Variants in CHAF1B observed in about 807,000 individuals in gnomAD.
CHAF1B encodes the protein chromatin assembly factor 1 subunit B.
A neutral mutation model predicts 60.7 loss-of-function variants in CHAF1B; 10 were observed. That is an observed-to-expected ratio of 0.16 (90% CI 0.10 to 0.28). The LOEUF (loss-of-function observed/expected upper bound fraction) is 0.28. Among genes scored for constraint, CHAF1B ranks in the 10% least tolerant of loss-of-function variants. The pLI is 1.00. For synonymous variants in CHAF1B, 261 were observed against 266.1 expected, an observed-to-expected ratio of 0.98 and a Z score of 0.19; for missense variants, 558 against 708.4, an observed-to-expected ratio of 0.79 and a Z score of 2.41.
intron 8 of CHAF1B, 66 bp from the exon 9 acceptor site, chr21:36,408,695 C>A: frequency 8.8e-7 from 1 of 1,137,502 alleles, no homozygotes; most frequent in Non-Finnish European, 1.3e-6. Context: ...TCTTGAGTTT[C>A]TGTTGGTGAA....
intron 3 of CHAF1B, among the ~76,000 whole-genome samples, chr21:36,388,665 C>T (rs2086056806): frequency 6.6e-6 from 1 of 151,904 alleles, no homozygotes; most frequent in African/African-American, 2.4e-5. Context: ...TGGGGTTTCG[C>T]CTTGTCAGCC....
chr21:36,396,358 C>CAAAAAAAAAAAAAAA (rs777079304), intron 5 of CHAF1B, among the ~76,000 whole-genome samples: 14 of 52,834 alleles, frequency 2.6e-4, no homozygotes, highest in African/African-American at 4.8e-4. Context: ...CCAAAAACCT[C>CAAAAAAAAAAAAAAA]AAAAAAAAAA....
chr21:36,390,333 C>CAAAAGAAA (rs771597728), intron 3 of CHAF1B, among the ~76,000 whole-genome samples: 1 of 81,938 alleles, frequency 1.2e-5, no homozygotes, highest in African/African-American at 4.0e-5. Flanking sequence ...AACACCATCT[C>CAAAAGAAA]AAAAAAAAAA....
chr21:36,402,924 C>T, intron 8 of CHAF1B, 73 bp downstream of exon 8: 1 of 1,226,460 alleles, frequency 8.2e-7, no homozygotes, highest in Non-Finnish European at 1.2e-6. Flanking sequence ...TACGCTGCAG[C>T]TTATCAGCTC....
intron 3 of CHAF1B, among the ~76,000 whole-genome samples, 170 bp from the exon 4 acceptor site, chr21:36,391,381 A>C (rs2086084981): frequency 6.6e-6 from 1 of 151,070 alleles, no homozygotes; most frequent in Non-Finnish European, 1.5e-5. Flanking sequence ...GTTAGCCAGG[A>C]TGGTCCTGGG....
At chr21:36,410,071 C>T (rs1018372277) in intron 10 of CHAF1B, among the ~76,000 whole-genome samples, 34 of 151,396 alleles carry the variant, frequency 2.2e-4, no homozygotes, top group African/African-American at 8.3e-4. Context: ...TCAAGGGATT[C>T]TCCCTCCTAT....
intron 4 of CHAF1B, among the ~76,000 whole-genome samples, chr21:36,391,937 T>C (rs957757681): frequency 1.9e-4 from 26 of 137,506 alleles, no homozygotes; most frequent in Non-Finnish European, 9.3e-5. Flanking sequence ...TTTTTTTTTT[T>C]AGTATTTATT....
intron 8 of CHAF1B, among the ~76,000 whole-genome samples, chr21:36,404,096 C>CTTTTT (rs938306527): frequency 2.3e-5 from 3 of 129,746 alleles, no homozygotes; most frequent in African/African-American, 8.9e-5. Context: ...GTAATAAATC[C>CTTTTT]TTTTTTTTTT....
In CHAF1B at chr21:36,411,739, A is replaced by T. The variant is rs562490827; in HGVS notation, c.1061+135A>T. On this transcript the variant is annotated intron_variant, in intron 11 of 13. Coordinates refer to ENST00000314103, the MANE Select transcript of CHAF1B (RefSeq NM_005441.3). ...TATTCACCAATTTTGTTTCTTATTT[A>T]TTTTTTTGAGACCAAGTATCACTCT... The T allele has an allele frequency of 5.7e-5, 62 of 1,087,874 alleles. No homozygotes were observed. The Admixed American group carries it at 6.5e-4, about 11-fold the overall frequency. The allele number at this position is 1,087,874 out of a possible 1,614,324, so 67.4% of individuals were successfully genotyped here.
rs568896091 is a variant in CHAF1B, at chr21:36,391,677, G to C, written c.377+9G>C. 2 of 1,542,392 alleles carry C rather than the reference G, an allele frequency of 1.3e-6. No homozygotes were observed. Among genetic ancestry groups the C allele is most frequent in the East Asian group, 4.5e-5 (2 of 44,438 alleles). On this transcript the variant is annotated intron_variant, in intron 4 of 13. Transcript: ENST00000314103. ...GTTGTGAAGACTCTGCGGTAACTTGGGAGGGACCATGGCAGTGATCTCTGT... is the reference window on the plus strand; with the variant it reads ...GTTGTGAAGACTCTGCGGTAACTTGCGAGGGACCATGGCAGTGATCTCTGT...
At chr21:36,397,584 C>A in intron 6 of CHAF1B, 73 bp downstream of exon 6, 4 of 715,604 alleles carry the variant, frequency 5.6e-6, no homozygotes, top group Non-Finnish European at 6.8e-6. Flanking sequence ...AGGTATTTAT[C>A]GTAACTTAGC....
At chr21:36,402,508 A>C (rs1312153311) in intron 7 of CHAF1B, among the ~76,000 whole-genome samples, 1 of 152,226 alleles carries the variant, frequency 6.6e-6, no homozygotes, top group African/African-American at 2.4e-5. Flanking sequence ...AGCTTTACCT[A>C]ACAAAAATGT....
chr21:36,388,468 G>GT (rs1168454008), intron 3 of CHAF1B, among the ~76,000 whole-genome samples: 3,765 of 126,308 alleles, frequency 0.03, 118 homozygotes, highest in African/African-American at 0.06. Context: ...GGCTTTGGGA[G>GT]TTTTTTTTTT....
intron 5 of CHAF1B, 117 bp downstream of exon 5, chr21:36,394,767 T>C: frequency 1.6e-6 from 1 of 638,574 alleles, no homozygotes; most frequent in Non-Finnish European, 2.6e-6. Context: ...GATCTCACTC[T>C]GCCGCCCAGG....
intron 3 of CHAF1B, 38 bp downstream of exon 3, chr21:36,387,768 A>C: frequency 1.9e-6 from 3 of 1,610,140 alleles, no homozygotes; most frequent in Non-Finnish European, 2.5e-6. Context: ...TTCGGGAACC[A>C]GATAGATACC....
At chr21:36,414,813 A>G (rs983441286) in intron 12 of CHAF1B, among the ~76,000 whole-genome samples, 2 of 152,126 alleles carry the variant, frequency 1.3e-5, no homozygotes, top group African/African-American at 4.8e-5. Flanking sequence ...AGGTTTTGCC[A>G]TGTTGGTCAA....
intron 6 of CHAF1B, among the ~76,000 whole-genome samples, 193 bp from the exon 7 acceptor site, chr21:36,399,328 G>A (rs73902505): frequency 0.1 from 15,239 of 152,128 alleles, 863 homozygotes; most frequent in African/African-American, 0.13. Context: ...GAGCTACCGC[G>A]CCCGGCCTGT....
rs1202104551 is a variant in CHAF1B, at chr21:36,417,549, C to T, written c.*1183C>T. ...TTTGCCATGTTGGCCAAGCTGGTCT[C>T]TAACTCCTGACCTCAGATGATCTGC... On this transcript the variant is annotated 3_prime_UTR_variant, in exon 14 of 14. Coordinates refer to ENST00000314103, the MANE Select transcript of CHAF1B (RefSeq NM_005441.3). The T allele has an allele frequency of 6.6e-6, 1 of 152,148 alleles. No homozygotes were observed. The highest frequency in any genetic ancestry group is 2.4e-5 in the African/African-American group (1 of 41,396). 9.4% of individuals were successfully genotyped at this position (152,148 alleles called of 1,614,324 possible).
intron 10 of CHAF1B, among the ~76,000 whole-genome samples, chr21:36,410,628 A>G (rs190068): frequency 0.053 from 7,685 of 146,192 alleles, 266 homozygotes; most frequent in Non-Finnish European, 0.079. Flanking sequence ...GGTTTTCCTT[A>G]TATATTCTGT....
Sources: gnomAD v4.1 joint callset for allele counts (sites outside exome capture counted in the v4.1 genomes callset) on GRCh38, gnomAD v4.1.1 for gene constraint, MANE v1.5 for transcripts, NCBI Gene and HGNC (gene_info 2026-07-23, HGNC 2026-07-21) for gene names.